CAMK2D: variants seen among roughly 807,000 people sequenced by gnomAD.
CAMK2D encodes calcium/calmodulin dependent protein kinase II delta.
A neutral mutation model predicts 84.0 loss-of-function variants in CAMK2D; 37 were observed. The observed-to-expected ratio is 0.44, with a 90% CI of 0.34 to 0.58. CAMK2D has a LOEUF of 0.58. CAMK2D is among the 20% of genes least tolerant of loss of function. CAMK2D has a pLI of 0.02. For missense variants in CAMK2D, 448 were observed against 652.5 expected, an observed-to-expected ratio of 0.69 and a Z score of 3.41; for synonymous variants, 202 against 212.5, an observed-to-expected ratio of 0.95 and a Z score of 0.43.
intron 3 of CAMK2D, among the ~76,000 whole-genome samples, chr4:113,641,169 C>T (rs1181296564): frequency 6.6e-6 from 1 of 152,176 alleles, no homozygotes; most frequent in Non-Finnish European, 1.5e-5. Flanking sequence ...AAAAGTAATA[C>T]AGCTGCACAG....
intron 3 of CAMK2D, among the ~76,000 whole-genome samples, chr4:113,610,335 T>A (rs1026016193): frequency 6.6e-6 from 1 of 152,166 alleles, no homozygotes; most frequent in Admixed American, 6.5e-5. Flanking sequence ...CACAACTGCT[T>A]TTACAAAAGT....
intron 3 of CAMK2D, among the ~76,000 whole-genome samples, chr4:113,636,466 T>C (rs1305323489): frequency 6.6e-6 from 1 of 152,184 alleles, no homozygotes; most frequent in Admixed American, 6.5e-5. Context: ...AGCTCACTCC[T>C]CTCTTCAGAA....
At position 113,686,861 on chromosome 4, in the gene CAMK2D, T is replaced by TACAC. The variant is rs36009295; in HGVS notation, c.161-25093_161-25090dup. Reference sequence around the variant, plus strand: ...CTTATTTACAATACAGGTATGTGTATACACACACACACACACACACACACA... The same window carrying TACAC: ...CTTATTTACAATACAGGTATGTGTATACACACACACACACACACACACACACACA... On this transcript the variant is annotated intron_variant, in intron 2 of 20. Coordinates refer to ENST00000511664, the MANE Select transcript of CAMK2D (RefSeq NM_001321571.2). 5.7e-3 allele frequency among the ~76,000 whole-genome samples: 842 copies of TACAC among 148,724 alleles called. 15 individuals are homozygous for TACAC. Among genetic ancestry groups the TACAC allele is most frequent in the African/African-American group, 0.018 (746 of 40,560 alleles).
chr4:113,733,323 C>A (rs1006876730), intron 2 of CAMK2D, among the ~76,000 whole-genome samples: 1 of 152,224 alleles, frequency 6.6e-6, no homozygotes, highest in African/African-American at 2.4e-5. Context: ...AGTGTCTTTT[C>A]TCCTGAGTAA....
chr4:113,737,645 T>C lies in CAMK2D; in HGVS notation c.160+21675A>G, dbSNP rs539945608. On this transcript the variant is annotated intron_variant, in intron 2 of 20. Coordinates refer to ENST00000511664, the MANE Select transcript of CAMK2D (RefSeq NM_001321571.2). ...ACAGTTAAAATGGTGGATTTTATGT[T>C]ACAAATATTTTTCCATAATATAAAA... 3.3e-5 allele frequency among the ~76,000 whole-genome samples: 5 copies of C among 152,326 alleles called. No homozygotes were observed. In the South Asian group the frequency reaches 1.0e-3, roughly 32 times the overall value.
At chr4:113,699,883 T>G (rs1230352191) in intron 2 of CAMK2D, among the ~76,000 whole-genome samples, 1 of 152,206 alleles carries the variant, frequency 6.6e-6, no homozygotes, top group Admixed American at 6.5e-5. Context: ...CTAGGTACTT[T>G]GATAATACAA....
intron 2 of CAMK2D, among the ~76,000 whole-genome samples, chr4:113,734,267 T>C (rs1458581343): frequency 6.6e-6 from 1 of 152,134 alleles, no homozygotes; most frequent in African/African-American, 2.4e-5. Context: ...CAACTTACTT[T>C]TTTTCTCCTT....
At chr4:113,678,511 G>T (rs2099328068) in intron 2 of CAMK2D, among the ~76,000 whole-genome samples, 1 of 150,442 alleles carries the variant, frequency 6.6e-6, no homozygotes, top group Non-Finnish European at 1.5e-5. Context: ...TATAATAATT[G>T]GGGTATCAAG....
chr4:113,519,937 T>C lies in CAMK2D; in HGVS notation c.602-2280A>G, dbSNP rs914630368. ...CTAAACATTCCCTGCAGCCACTTTTTCTTTATCTATGAACTTTAGTAGGAA... is the reference window on the plus strand; with the variant it reads ...CTAAACATTCCCTGCAGCCACTTTTCCTTTATCTATGAACTTTAGTAGGAA... On this transcript the variant is annotated intron_variant, in intron 8 of 20. Coordinates refer to ENST00000511664, the MANE Select transcript of CAMK2D (RefSeq NM_001321571.2). Among the ~76,000 whole-genome samples, 3 of 152,194 alleles carry C rather than the reference T, an allele frequency of 2.0e-5. No homozygotes were observed. In the South Asian group the frequency reaches 6.2e-4, roughly 32 times the overall value.
intron 16 of CAMK2D, among the ~76,000 whole-genome samples, chr4:113,493,735 T>A (rs919725102): frequency 1.4e-4 from 21 of 152,014 alleles, no homozygotes; most frequent in African/African-American, 5.1e-4. Context: ...TCCTGCAGAG[T>A]GTTTTCCAAC....
chr4:113,486,055 G>C (rs2097763004), intron 16 of CAMK2D, among the ~76,000 whole-genome samples: 1 of 152,002 alleles, frequency 6.6e-6, no homozygotes, highest in African/African-American at 2.4e-5. Context: ...AACTCTCTCA[G>C]ATTAGACCAG....
rs17593317 is a variant in CAMK2D at position 113,711,455 on chromosome 4, G to A, written c.160+47865C>T. On this transcript the variant is annotated intron_variant, in intron 2 of 20. Coordinates refer to ENST00000511664, the MANE Select transcript of CAMK2D (RefSeq NM_001321571.2). ...AAAAGCTAAAATATCTATTTGTATA[G>A]ATGTGAACATATTTTTACTAAGGAG... is the stretch of plus-strand genomic sequence containing the variant. Among the ~76,000 whole-genome samples the A allele has an allele frequency of 0.015, 2,232 of 152,160 alleles. 92 individuals are homozygous for A. In the East Asian group the frequency reaches 0.15, roughly 10 times the overall value.
chr4:113,604,652 G>A (rs745627807), intron 4 of CAMK2D, among the ~76,000 whole-genome samples: 1 of 152,050 alleles, frequency 6.6e-6, no homozygotes, highest in Non-Finnish European at 1.5e-5. Flanking sequence ...TCTTCACTTT[G>A]GTTTCAAAGA....
chr4:113,723,731 A>G (rs2148663225), intron 2 of CAMK2D, among the ~76,000 whole-genome samples: 1 of 152,336 alleles, frequency 6.6e-6, no homozygotes, highest in African/African-American at 2.4e-5. Context: ...TTGAAATTAT[A>G]CATTTCCAAT....
At chr4:113,719,370 C>G (rs926744819) in intron 2 of CAMK2D, among the ~76,000 whole-genome samples, 2 of 152,158 alleles carry the variant, frequency 1.3e-5, no homozygotes, top group Non-Finnish European at 2.9e-5. Flanking sequence ...TGATATTAAC[C>G]AATTTGCTTT....
chr4:113,687,107 A>G (rs978306197), intron 2 of CAMK2D, among the ~76,000 whole-genome samples: 6 of 152,192 alleles, frequency 3.9e-5, no homozygotes, highest in African/African-American at 1.4e-4. Flanking sequence ...TTGAACTGAT[A>G]TGGTCGTGAC....
At chr4:113,472,986 T>C (rs1589822995) in intron 16 of CAMK2D, among the ~76,000 whole-genome samples, 1 of 152,352 alleles carries the variant, frequency 6.6e-6, no homozygotes, top group Admixed American at 6.5e-5. Flanking sequence ...TCAGAGGCTG[T>C]GCCAGGGTTA....
chr4:113,547,425 G>A (rs2098587374), intron 6 of CAMK2D, among the ~76,000 whole-genome samples: 1 of 152,132 alleles, frequency 6.6e-6, no homozygotes, highest in Non-Finnish European at 1.5e-5. Flanking sequence ...GTTAATGTTG[G>A]GAAGTTATTT....
chr4:113,564,010 T>C (rs536109881), intron 4 of CAMK2D, among the ~76,000 whole-genome samples: 3 of 152,328 alleles, frequency 2.0e-5, no homozygotes, highest in Non-Finnish European at 2.9e-5. Context: ...AAATAGAGAC[T>C]CTTGATGGAG....
Sources: allele counts gnomAD v4.1 joint callset (sites outside exome capture counted in the v4.1 genomes callset), GRCh38; gene constraint gnomAD v4.1.1; transcripts MANE v1.5; gene names NCBI Gene and HGNC (gene_info 2026-07-23, HGNC 2026-07-21).